The following LTBP1 variants were observed in gnomAD, a reference collection of about 807,000 sequenced individuals.
LTBP1 encodes the protein latent transforming growth factor beta binding protein 1, also known as latent-transforming growth factor beta-binding protein 1.
LTBP1 carries 129 observed loss-of-function variants against 207.6 expected under a neutral mutation model. The ratio of observed to expected loss-of-function variants is 0.62; its 90% CI spans 0.54 to 0.72. LTBP1 has a LOEUF of 0.72. Among genes scored for constraint, LTBP1 ranks in the 30% least tolerant of loss-of-function variants. The pLI, the probability that LTBP1 is intolerant of heterozygous loss-of-function variation, is 0.00. For missense variants in LTBP1, 2,281 were observed against 2,217.2 expected, an observed-to-expected ratio of 1.03 and a Z score of -0.58; for synonymous variants, 963 against 833.7, an observed-to-expected ratio of 1.16 and a Z score of -2.67.
At chr2:33,073,030 A>G (rs947499337) in intron 3 of LTBP1, among the ~76,000 whole-genome samples, 6 of 152,208 alleles carry the variant, frequency 3.9e-5, no homozygotes, top group Non-Finnish European at 8.8e-5. Context: ...GAGCCGGGCA[A>G]CGTGACCACT....
At chr2:33,245,349 G>A (rs1033400070) in intron 10 of LTBP1, among the ~76,000 whole-genome samples, 12 of 152,160 alleles carry the variant, frequency 7.9e-5, no homozygotes, top group African/African-American at 2.9e-4. Context: ...ATGTAGAGGT[G>A]ATAAAATAAA....
chr2:33,188,764 C>T lies in LTBP1; in HGVS notation c.1614C>T (p.Tyr538=), dbSNP rs780197536. The change falls in exon 7 of 34, where the codon TAC becomes TAT. Residue 538 remains tyrosine, a synonymous_variant. Coordinates refer to ENST00000404816, the MANE Select transcript of LTBP1 (RefSeq NM_206943.4). ...VQKTQTIHST[Y]SHQQVIPHVY... is the part of the protein sequence containing the mutation. The stretch of plus-strand genomic sequence containing the variant: ...AGACCCAGACCATACATTCCACATA[C>T]TCCCACCAGCAGGTCATTCCTCACG... 15 of 1,614,174 alleles carry T rather than the reference C, an allele frequency of 9.3e-6. No individual in the cohort carries two copies. In the South Asian group the frequency reaches 9.9e-5, roughly 11 times the overall value.
intron 3 of LTBP1, among the ~76,000 whole-genome samples, chr2:33,089,155 C>CAAA (rs61009791): frequency 2.1e-5 from 2 of 96,414 alleles, no homozygotes; most frequent in African/African-American, 7.4e-5. Context: ...GACTCAGTCT[C>CAAA]AAAAAAAAAA....
At position 32,948,945 on chromosome 2, in the gene LTBP1, C is replaced by A; in HGVS notation, c.565C>A (p.Pro189Thr). 6.2e-7 allele frequency: 1 copy of A among 1,614,058 alleles called. No homozygotes were observed. The highest frequency in any genetic ancestry group is 8.5e-7 in the Non-Finnish European group (1 of 1,180,012). The change falls in exon 2 of 34, where the codon CCT (proline) becomes ACT (threonine). Residue 189 changes from proline to threonine, a missense_variant and splice_region_variant. Physicochemically the swap from Pro to Thr is conservative, Grantham distance 38 (BLOSUM62 -1). This residue lies in a region of LTBP1 where 555 missense variants were observed against 491.0 expected (regional missense o/e 1.13). Coordinates refer to ENST00000404816, the MANE Select transcript of LTBP1 (RefSeq NM_206943.4). The stretch of plus-strand genomic sequence containing the variant: ...CCCTGGCTCCCAGAGGTGCACCAAA[C>A]GTAAGTTGCCATGTTCACAGTGGCC... ...KAPGSQRCTK[P>T]SCVPPCQNGG...
rs994658524 is a variant in LTBP1, at chr2:33,155,610, C to T, written c.1201+20650C>T. Among the ~76,000 whole-genome samples, 5 of 152,218 alleles carry T rather than the reference C, an allele frequency of 3.3e-5. No individual in the cohort carries two copies. The East Asian group carries it at 9.7e-4, about 29-fold the overall frequency. On this transcript the variant is annotated intron_variant, in intron 5 of 33. Transcript: ENST00000404816. ...AGATTCAAGTAGCAACCCCCCATCTCACCACCACCAAGAAGTCTCTGGGGA... is the reference window on the plus strand; with the variant it reads ...AGATTCAAGTAGCAACCCCCCATCTTACCACCACCAAGAAGTCTCTGGGGA...
intron 31 of LTBP1, among the ~76,000 whole-genome samples, chr2:33,385,398 G>A (rs1342019866): frequency 2.6e-5 from 4 of 151,986 alleles, no homozygotes; most frequent in African/African-American, 7.2e-5. Flanking sequence ...TTATAATACT[G>A]TCTTTAAAAA....
chr2:33,151,077 C>T (rs1430928164), intron 5 of LTBP1, among the ~76,000 whole-genome samples: 3 of 152,080 alleles, frequency 2.0e-5, no homozygotes, highest in Non-Finnish European at 4.4e-5. Flanking sequence ...CATACTGTAG[C>T]ATGTTTTCTT....
chr2:33,247,593 A>G (rs1490077561), intron 10 of LTBP1, among the ~76,000 whole-genome samples: 2 of 152,252 alleles, frequency 1.3e-5, no homozygotes, highest in Non-Finnish European at 2.9e-5. Flanking sequence ...ATGGCACACA[A>G]AGCCTAAAAT....
chr2:33,391,625 A>C (rs1267762648), intron 32 of LTBP1, among the ~76,000 whole-genome samples: 1 of 152,128 alleles, frequency 6.6e-6, no homozygotes, highest in African/African-American at 2.4e-5. Context: ...TATGAAAAGC[A>C]CTGAAACCTC....
chr2:33,383,067 G>T (rs2095234224), intron 31 of LTBP1, among the ~76,000 whole-genome samples: 1 of 152,230 alleles, frequency 6.6e-6, no homozygotes. Context: ...AAAGAAAAGT[G>T]CCCATTGGCT....
chr2:33,283,047 G>A (rs902224588), intron 19 of LTBP1, among the ~76,000 whole-genome samples: 15 of 123,086 alleles, frequency 1.2e-4, no homozygotes, highest in African/African-American at 4.6e-4. Flanking sequence ...TGGCGACAGA[G>A]CAAGACTCCA....
intron 7 of LTBP1, among the ~76,000 whole-genome samples, chr2:33,217,239 C>T (rs922588706): frequency 2.6e-5 from 4 of 152,174 alleles, no homozygotes; most frequent in African/African-American, 7.2e-5. Flanking sequence ...ATTGATCTTA[C>T]ACACTATGAG....
chr2:32,948,845 G>C (rs1281964199), intron 1 of LTBP1, 30 bp from the exon 2 acceptor site: 1 of 1,608,436 alleles, frequency 6.2e-7, no homozygotes, highest in Non-Finnish European at 8.5e-7. Context: ...TCTTTCTGCT[G>C]CTGGACTCAG....
At chr2:33,279,160 A>G (rs1267932101) in intron 18 of LTBP1, among the ~76,000 whole-genome samples, 3 of 152,248 alleles carry the variant, frequency 2.0e-5, no homozygotes, top group Non-Finnish European at 2.9e-5. Context: ...ATCCACTCAT[A>G]TAAATTCAAG....
At chr2:33,119,949 G>A (rs569430457) in intron 4 of LTBP1, among the ~76,000 whole-genome samples, 1 of 152,052 alleles carries the variant, frequency 6.6e-6, no homozygotes, top group Non-Finnish European at 1.5e-5. Flanking sequence ...GTTTGTTTTT[G>A]AATATCTCCT....
At chr2:33,118,623 G>T (rs1027924932) in intron 4 of LTBP1, among the ~76,000 whole-genome samples, 1 of 152,186 alleles carries the variant, frequency 6.6e-6, no homozygotes, top group Non-Finnish European at 1.5e-5. Flanking sequence ...ACCATGTACA[G>T]ACTGACACCT....
intron 7 of LTBP1, among the ~76,000 whole-genome samples, chr2:33,198,639 G>A (rs931547369): frequency 6.6e-6 from 1 of 152,308 alleles, no homozygotes; most frequent in African/African-American, 2.4e-5. Context: ...GAGTGTATAT[G>A]TCGAGGAATT....
At chr2:33,176,930 C>T (rs542194059) in intron 5 of LTBP1, among the ~76,000 whole-genome samples, 1 of 152,310 alleles carries the variant, frequency 6.6e-6, no homozygotes, top group South Asian at 2.1e-4. Flanking sequence ...TTGCTGAGTG[C>T]CTGCTATGTG....
intron 15 of LTBP1, among the ~76,000 whole-genome samples, chr2:33,271,298 A>G (rs562854108): frequency 4.7e-5 from 6 of 128,308 alleles, no homozygotes; most frequent in African/African-American, 1.8e-4. Flanking sequence ...TTCACCTTCT[A>G]ATTTTTTTTT....
Sources: allele counts gnomAD v4.1 joint callset (sites outside exome capture counted in the v4.1 genomes callset), GRCh38; gene constraint gnomAD v4.1.1; regional missense constraint gnomAD v4.1.1; transcripts MANE v1.5; gene names NCBI Gene and HGNC (gene_info 2026-07-23, HGNC 2026-07-21).